SLBP: variants seen among roughly 807,000 people sequenced by gnomAD.
SLBP encodes histone RNA hairpin-binding protein.
A neutral mutation model predicts 39.2 loss-of-function variants in SLBP; 29 were observed. The observed-to-expected ratio is 0.74, with a 90% CI of 0.55 to 1.01. The LOEUF (loss-of-function observed/expected upper bound fraction) is 1.01, where lower values mean the gene tolerates loss of function less well. Among genes scored for constraint, SLBP ranks in the 50% least tolerant of loss-of-function variants. The pLI is 0.00. For missense variants in SLBP, 390 were observed against 350.2 expected, an observed-to-expected ratio of 1.11 and a Z score of -0.91; for synonymous variants, 129 against 118.7, an observed-to-expected ratio of 1.09 and a Z score of -0.57.
At position 1,693,678 on chromosome 4, in the gene SLBP, G is replaced by A. The variant is rs1291068259; in HGVS notation, c.732C>T (p.His244=). 2 of 1,613,766 alleles carry A rather than the reference G, an allele frequency of 1.2e-6. No individual in the cohort carries two copies. Among genetic ancestry groups the A allele is most frequent in the Non-Finnish European group, 1.7e-6 (2 of 1,179,652 alleles). The change falls in exon 8 of 8, where the codon CAC becomes CAT. Residue 244 remains histidine, a synonymous_variant. Transcript: ENST00000489418. Reference sequence around the variant, plus strand: ...ACTCATCCTCCACTTGACTGTCCATGTGTCTCACCTTGGTGGGTGTGCCAG... The same window carrying A: ...ACTCATCCTCCACTTGACTGTCCATATGTCTCACCTTGGTGGGTGTGCCAG... ...VYSGTPTKVR[H]MDSQVEDEFD...
intron 2 of SLBP, 112 bp downstream of exon 2, chr4:1,711,762 G>A: frequency 2.0e-6 from 1 of 495,108 alleles, no homozygotes; most frequent in Non-Finnish European, 3.2e-6. Context: ...ATAAAAGGAC[G>A]CAGGGTGCCG....
chr4:1,707,823 G>A (rs914762500), intron 2 of SLBP, among the ~76,000 whole-genome samples: 1 of 152,154 alleles, frequency 6.6e-6, no homozygotes, highest in African/African-American at 2.4e-5. Flanking sequence ...GCTCACACCT[G>A]TAATCCCAGC....
rs946486055 is a variant in SLBP, at chr4:1,703,795, G to A, written c.177-95C>T. ...AATATTCAAAGGCTGGTGGGACACA[G>A]TGGCTTGTGCCTGTAATACCAGCAC... On this transcript the variant is annotated intron_variant, in intron 2 of 7. Coordinates refer to ENST00000489418, the MANE Select transcript of SLBP (RefSeq NM_006527.4). 6 of 919,162 alleles carry A rather than the reference G, an allele frequency of 6.5e-6. No individual in the cohort carries two copies. In the African/African-American group the frequency reaches 8.1e-5, roughly 12 times the overall value. The allele number at this position is 919,162 out of a possible 1,614,324, so 56.9% of individuals were successfully genotyped here. A position where few individuals can be genotyped will look rare whatever the true frequency, so the allele number is the denominator to read the frequency against.
chr4:1,705,357 T>G (rs1299955398), intron 2 of SLBP, among the ~76,000 whole-genome samples: 1 of 152,204 alleles, frequency 6.6e-6, no homozygotes, highest in Non-Finnish European at 1.5e-5. Flanking sequence ...GAAATGGTAT[T>G]CTATTGGCAA....
At chr4:1,708,275 T>C (rs1021874672) in intron 2 of SLBP, among the ~76,000 whole-genome samples, 1 of 152,160 alleles carries the variant, frequency 6.6e-6, no homozygotes, top group Non-Finnish European at 1.5e-5. Flanking sequence ...ATACTAACTT[T>C]AATTACAACA....
chr4:1,693,738 T>C (rs754000416), intron 7 of SLBP, 25 bp from the exon 8 acceptor site: 12 of 1,473,180 alleles, frequency 8.1e-6, no homozygotes, highest in African/African-American at 2.8e-5. Flanking sequence ...CATGGCTCGG[T>C]TGACATTCAT....
chr4:1,701,243 C>A (rs1716317121), intron 3 of SLBP, among the ~76,000 whole-genome samples: 1 of 147,134 alleles, frequency 6.8e-6, no homozygotes, highest in Non-Finnish European at 1.5e-5. Flanking sequence ...CCTCCCGGGT[C>A]CAAGCGATTC....
chr4:1,694,303 G>C (rs1412702980), intron 7 of SLBP, among the ~76,000 whole-genome samples: 1 of 152,110 alleles, frequency 6.6e-6, no homozygotes, highest in African/African-American at 2.4e-5. Context: ...GGCTGGTCTT[G>C]AACTCCTGAC....
At chr4:1,698,544 G>A (rs980736051) in intron 5 of SLBP, among the ~76,000 whole-genome samples, 13 of 151,448 alleles carry the variant, frequency 8.6e-5, no homozygotes, top group African/African-American at 3.2e-4. Context: ...GAGTGCAGTG[G>A]TGCAATCTCG....
At chr4:1,701,137 CTTTTT>C (rs1228557022) in intron 3 of SLBP, among the ~76,000 whole-genome samples, 2 of 120,624 alleles carry the variant, frequency 1.7e-5, no homozygotes, top group Non-Finnish European at 3.7e-5. Context: ...AATCCATTTT[CTTTTT>C]TTTCTTTTTT....
intron 2 of SLBP, among the ~76,000 whole-genome samples, chr4:1,708,351 T>G (rs1431885442): frequency 6.6e-6 from 1 of 152,216 alleles, no homozygotes. Flanking sequence ...CAGTAACAAA[T>G]GAATAATCCT....
At chr4:1,701,873 C>G (rs973899519) in intron 3 of SLBP, among the ~76,000 whole-genome samples, 2 of 152,192 alleles carry the variant, frequency 1.3e-5, no homozygotes, top group African/African-American at 4.8e-5. Context: ...CATCATTACA[C>G]TCCAGCCTGG....
chr4:1,701,424 G>C, intron 3 of SLBP, among the ~76,000 whole-genome samples: 1 of 152,102 alleles, frequency 6.6e-6, no homozygotes, highest in East Asian at 1.9e-4. Context: ...TGCGATTACA[G>C]GTGTGAGCCA....
At chr4:1,703,480 T>C in intron 3 of SLBP, 116 bp downstream of exon 3, 1 of 704,296 alleles carries the variant, frequency 1.4e-6, no homozygotes, top group Non-Finnish European at 2.6e-6. Context: ...GAAATGTTGA[T>C]GCCTTTGGTC....
chr4:1,698,474 A>G (rs1368934912), intron 5 of SLBP, among the ~76,000 whole-genome samples: 1 of 117,288 alleles, frequency 8.5e-6, no homozygotes, highest in East Asian at 2.2e-4. Flanking sequence ...CCAAAAAAGT[A>G]AAAAAAAAAA....
intron 3 of SLBP, among the ~76,000 whole-genome samples, chr4:1,701,480 T>G (rs991327734): frequency 3.3e-5 from 5 of 152,240 alleles, no homozygotes; most frequent in Non-Finnish European, 7.3e-5. Flanking sequence ...TATTGCTAGT[T>G]TGTAGTCTGT....
rs997110753 is a variant in SLBP, at chr4:1,692,911, T to C, written c.*686A>G. On this transcript the variant is annotated 3_prime_UTR_variant, in exon 8 of 8. Transcript: ENST00000489418. ...ATTTGAACAGAAAATCTGTACACATTATCATTTACAGCAATTTTACATGGT... is the reference window on the plus strand; with the variant it reads ...ATTTGAACAGAAAATCTGTACACATCATCATTTACAGCAATTTTACATGGT... The C allele has an allele frequency of 6.5e-6, 1 of 152,678 alleles. No individual in the cohort carries two copies. The highest frequency in any genetic ancestry group is 1.5e-5 in the Non-Finnish European group (1 of 68,050). The allele number at this position is 152,678 out of a possible 1,614,324, so 9.5% of individuals were successfully genotyped here.
rs1382221450 is a variant in SLBP, at chr4:1,711,973, C to G, written c.77G>C (p.Arg26Pro). ...TCTGCGCTTCCGTCCCAGGCTCCAT[C>G]GCGCGGGGGACGGCGGGCTGCGGGG... ...DGDASPPSPA[R>P]WSLGRKRRAD... is the part of the protein sequence containing the mutation. The change falls in exon 2 of 8, where the codon CGA becomes CCA. Residue 26 changes from arginine (R) to proline (P), a missense_variant. By Grantham distance (103) the Arg-to-Pro change is moderately radical. Coordinates refer to ENST00000489418, the MANE Select transcript of SLBP (RefSeq NM_006527.4). The G allele has an allele frequency of 2.3e-6, 3 of 1,304,112 alleles. No individual in the cohort carries two copies. In the Admixed American group the frequency reaches 1.2e-4, roughly 54 times the overall value. 80.8% of individuals were successfully genotyped at this position (1,304,112 alleles called of 1,614,324 possible).
chr4:1,706,949 G>C (rs1213604370), intron 2 of SLBP, among the ~76,000 whole-genome samples: 3 of 149,916 alleles, frequency 2.0e-5, no homozygotes, highest in Admixed American at 2.0e-4. Context: ...GCCGGGCGCA[G>C]TGGCTCACGC....
Sources: allele counts gnomAD v4.1 joint callset (sites outside exome capture counted in the v4.1 genomes callset), GRCh38; gene constraint gnomAD v4.1.1; transcripts MANE v1.5; gene names NCBI Gene and HGNC (gene_info 2026-07-23, HGNC 2026-07-21).